The following LCLAT1 variants were observed in gnomAD, a reference collection of about 807,000 sequenced individuals.
The protein encoded by LCLAT1 is 1-AGP acyltransferase 8.
In LCLAT1, 11 loss-of-function variants were observed where a neutral mutation model predicts 30.7. The ratio of observed to expected loss-of-function variants is 0.36; its 90% CI spans 0.23 to 0.59. LCLAT1 has a LOEUF of 0.59. Among genes scored for constraint, LCLAT1 ranks in the 20% least tolerant of loss-of-function variants. The pLI is 0.77. For synonymous variants in LCLAT1, 155 were observed against 151.3 expected (o/e 1.02, Z -0.18); for missense variants, 402 against 458.6 (o/e 0.88, Z 1.13).
At chr2:30,538,140 A>G (rs1041783342) in intron 3 of LCLAT1, among the ~76,000 whole-genome samples, 1 of 152,210 alleles carries the variant, frequency 6.6e-6, no homozygotes, top group South Asian at 2.1e-4. Flanking sequence ...AAGATTTCAA[A>G]TAAATAACCT....
intron 5 of LCLAT1, among the ~76,000 whole-genome samples, chr2:30,603,298 G>A (rs1285369830): frequency 6.6e-6 from 1 of 151,990 alleles, no homozygotes; most frequent in African/African-American, 2.4e-5. Context: ...AACCTAGCGT[G>A]TCTAGAGATA....
chr2:30,579,470 T>A (rs1432425101), intron 5 of LCLAT1, among the ~76,000 whole-genome samples: 3 of 152,136 alleles, frequency 2.0e-5, no homozygotes, highest in African/African-American at 7.2e-5. Flanking sequence ...AACAAACACA[T>A]CCTTATGCAT....
intron 1 of LCLAT1, among the ~76,000 whole-genome samples, chr2:30,478,506 A>T (rs1337538744): frequency 6.6e-6 from 1 of 152,156 alleles, no homozygotes; most frequent in East Asian, 1.9e-4. Flanking sequence ...TAGAATAGTT[A>T]TATGTGTAAA....
At chr2:30,567,920 A>G (rs1044288421) in intron 4 of LCLAT1, 140 bp from the exon 5 acceptor site, 11 of 522,228 alleles carry the variant, frequency 2.1e-5, no homozygotes, top group African/African-American at 9.9e-5. Context: ...CAATGTTTGT[A>G]TCTTCTCATT....
intron 1 of LCLAT1, among the ~76,000 whole-genome samples, chr2:30,479,874 C>T (rs550521450): frequency 3.9e-5 from 6 of 152,280 alleles, no homozygotes; most frequent in Admixed American, 2.6e-4. Flanking sequence ...AAACTGAGTT[C>T]GGACCTCAGC....
chr2:30,505,347 T>A (rs1684606479), intron 1 of LCLAT1, among the ~76,000 whole-genome samples: 1 of 120,762 alleles, frequency 8.3e-6, no homozygotes, highest in Non-Finnish European at 1.8e-5. Flanking sequence ...TTTTTTTTTT[T>A]TAACAATCTA....
At chr2:30,612,609 A>G (rs1253309083) in intron 5 of LCLAT1, among the ~76,000 whole-genome samples, 1 of 152,228 alleles carries the variant, frequency 6.6e-6, no homozygotes, top group African/African-American at 2.4e-5. Context: ...TGCAAGTAGC[A>G]GAACTACAGA....
chr2:30,569,214 A>G (rs1665661072), intron 5 of LCLAT1, among the ~76,000 whole-genome samples: 1 of 152,194 alleles, frequency 6.6e-6, no homozygotes, highest in Non-Finnish European at 1.5e-5. Context: ...AGGGGCATAT[A>G]TGAGCAGAAA....
Position 30,448,882 on chromosome 2 carries a change from A to G in LCLAT1, c.-5+1499A>G, listed in dbSNP as rs376197551. On this transcript the variant is annotated intron_variant, in intron 1 of 5. Coordinates refer to ENST00000379509, the MANE Select transcript of LCLAT1 (RefSeq NM_001002257.3). ...AAAGTGAGTATTTCTTATTCAAACA[A>G]TCTCATTGCACTGTTGGGAGGAAAA... Among the ~76,000 whole-genome samples, 13 of 152,334 alleles carry G rather than the reference A, an allele frequency of 8.5e-5. No homozygotes were observed. The East Asian group carries it at 1.9e-3, about 23-fold the overall frequency.
chr2:30,526,208 C>T (rs1309712699), intron 2 of LCLAT1, among the ~76,000 whole-genome samples: 3 of 151,528 alleles, frequency 2.0e-5, no homozygotes, highest in Non-Finnish European at 4.4e-5. Context: ...ACATTTTTTT[C>T]TGCCTTATTC....
chr2:30,552,998 G>C (rs1312430994), intron 3 of LCLAT1, among the ~76,000 whole-genome samples: 3 of 152,048 alleles, frequency 2.0e-5, no homozygotes, highest in Non-Finnish European at 2.9e-5. Context: ...TTTTCTTCTG[G>C]TGTCATATTC....
intron 3 of LCLAT1, among the ~76,000 whole-genome samples, chr2:30,541,182 A>G (rs3862977): frequency 0.88 from 133,465 of 152,166 alleles, 58,940 homozygotes; most frequent in African/African-American, 0.97. Context: ...AATCTTTTAC[A>G]TCATCTGGAT....
chr2:30,628,836 A>G (rs1298090676), intron 5 of LCLAT1, among the ~76,000 whole-genome samples: 3 of 152,210 alleles, frequency 2.0e-5, no homozygotes, highest in Admixed American at 6.5e-5. Context: ...GGATACATGT[A>G]TATTAGGGAC....
At chr2:30,503,825 T>C (rs829661) in intron 1 of LCLAT1, among the ~76,000 whole-genome samples, 109,108 of 152,108 alleles carry the variant, frequency 0.72, 40,578 homozygotes, top group East Asian at 0.87. Flanking sequence ...AGAAGTCCGC[T>C]TCTTTATGTC....
chr2:30,574,336 CA>C, intron 5 of LCLAT1, among the ~76,000 whole-genome samples: 1 of 151,962 alleles, frequency 6.6e-6, no homozygotes, highest in Non-Finnish European at 1.5e-5. Context: ...ACAAGGAAAC[CA>C]AAGTATTATT....
intron 4 of LCLAT1, 29 bp from the exon 5 acceptor site, chr2:30,568,031 G>A (rs1268151820): frequency 4.3e-6 from 5 of 1,160,952 alleles, no homozygotes; most frequent in Non-Finnish European, 5.0e-6. Context: ...TTTAGTTTAT[G>A]ATTTATAATG....
chr2:30,459,781 C>T, intron 1 of LCLAT1: 1 of 1,132,872 alleles, frequency 8.8e-7, no homozygotes, highest in Non-Finnish European at 1.3e-6. Context: ...TATATCTGAA[C>T]ACAAAGCTTT....
At chr2:30,536,487 A>G (rs968440356) in intron 3 of LCLAT1, among the ~76,000 whole-genome samples, 1 of 152,258 alleles carries the variant, frequency 6.6e-6, no homozygotes, top group Admixed American at 6.5e-5. Context: ...TGATATATTC[A>G]ACATGCTGAA....
At chr2:30,509,953 A>G (rs1684859171) in intron 1 of LCLAT1, among the ~76,000 whole-genome samples, 1 of 152,202 alleles carries the variant, frequency 6.6e-6, no homozygotes, top group South Asian at 2.1e-4. Flanking sequence ...TTATTAGCAC[A>G]TGGTCAAGAA....
Sources: gnomAD v4.1 joint callset for allele counts (sites outside exome capture counted in the v4.1 genomes callset) on GRCh38, gnomAD v4.1.1 for gene constraint, MANE v1.5 for transcripts, NCBI Gene and HGNC (gene_info 2026-07-23, HGNC 2026-07-21) for gene names.